Variants in GPHN observed in about 807,000 individuals in gnomAD.
The protein encoded by GPHN is gephyrin.
In GPHN, 17 loss-of-function variants were observed where a neutral mutation model predicts 95.5. That is an observed-to-expected ratio of 0.18 (90% CI 0.12 to 0.27). GPHN has a LOEUF of 0.27. Among genes scored for constraint, GPHN ranks in the 10% least tolerant of loss-of-function variants. The pLI is 1.00. For missense variants in GPHN, 660 were observed against 978.1 expected (o/e 0.67, Z 4.34); for synonymous variants, 320 against 322.5 (o/e 0.99, Z 0.08).
At chr14:67,359,169 T>C in the GPHN span, among the ~76,000 whole-genome samples, 1 of 152,238 alleles carries the variant, frequency 6.6e-6, no homozygotes. Context: ...CCGAGGGCTA[T>C]GCTAGGGCGA....
At chr14:67,544,975 T>TGAG in the GPHN span, among the ~76,000 whole-genome samples, 1 of 152,258 alleles carries the variant, frequency 6.6e-6, no homozygotes, top group Non-Finnish European at 1.5e-5. Context: ...GGAAACAGAA[T>TGAG]GAGTCTAACC....
the GPHN span, among the ~76,000 whole-genome samples, chr14:67,267,127 T>G: frequency 1.3e-5 from 2 of 152,024 alleles, no homozygotes; most frequent in African/African-American, 4.8e-5. Flanking sequence ...AATAAATAAA[T>G]AAATATAAAT....
intron 5 of GPHN, among the ~76,000 whole-genome samples, chr14:66,898,661 T>C (rs988875998): frequency 6.6e-6 from 1 of 151,882 alleles, no homozygotes; most frequent in Non-Finnish European, 1.5e-5. Flanking sequence ...TGAAATTGCA[T>C]AGACAGATTC....
chr14:67,604,545 A>G, the GPHN span, among the ~76,000 whole-genome samples: 1 of 152,040 alleles, frequency 6.6e-6, no homozygotes, highest in East Asian at 1.9e-4. Context: ...ACAAAAAACA[A>G]AAAACAAAAA....
intron 12 of GPHN, among the ~76,000 whole-genome samples, chr14:67,100,478 T>TAC (rs1376955714): frequency 6.6e-6 from 1 of 152,166 alleles, no homozygotes; most frequent in Non-Finnish European, 1.5e-5. Context: ...TCCATGAGTG[T>TAC]ACACACACAC....
At chr14:67,205,832 G>A in the GPHN span, among the ~76,000 whole-genome samples, 2 of 152,130 alleles carry the variant, frequency 1.3e-5, no homozygotes, top group African/African-American at 4.8e-5. Flanking sequence ...ATGGCAGGAT[G>A]GATTATAGGT....
chr14:67,404,219 G>C, the GPHN span, among the ~76,000 whole-genome samples: 1 of 152,184 alleles, frequency 6.6e-6, no homozygotes, highest in African/African-American at 2.4e-5. Context: ...CCTAAGAGAT[G>C]GTAGGCCACT....
At chr14:67,647,855 T>C in the GPHN span, 2 of 602,800 alleles carry the variant, frequency 3.3e-6, no homozygotes, top group East Asian at 2.8e-5. Context: ...AAGTGGTATG[T>C]AGGAAGTTAA....
At chr14:67,252,036 G>C in the GPHN span, among the ~76,000 whole-genome samples, 1 of 152,148 alleles carries the variant, frequency 6.6e-6, no homozygotes, top group South Asian at 2.1e-4. Context: ...ACTGGAGAAG[G>C]CATGGAAGCT....
intron 9 of GPHN, 82 bp downstream of exon 9, chr14:66,965,407 A>G (rs1475988479): frequency 8.0e-7 from 1 of 1,251,896 alleles, no homozygotes; most frequent in African/African-American, 1.5e-5. Context: ...CCTGCTTGTC[A>G]AGGTTGGATT....
At chr14:67,584,084 G>A in the GPHN span, 1 of 1,614,012 alleles carries the variant, frequency 6.2e-7, no homozygotes, top group Non-Finnish European at 8.5e-7. Context: ...ACCGTGGCCA[G>A]GAAATGGCCT....
At chr14:67,298,776 G>A in the GPHN span, among the ~76,000 whole-genome samples, 3 of 152,128 alleles carry the variant, frequency 2.0e-5, no homozygotes, top group Admixed American at 1.3e-4. Flanking sequence ...AGTTGTAGAA[G>A]CATCCATCAC....
At chr14:66,802,836 A>G (rs979061536) in intron 3 of GPHN, among the ~76,000 whole-genome samples, 6 of 152,066 alleles carry the variant, frequency 3.9e-5, no homozygotes, top group African/African-American at 1.4e-4. Context: ...CTCCAAGACA[A>G]AGTCGTCCTC....
At chr14:67,523,685 G>A in the GPHN span, among the ~76,000 whole-genome samples, 1 of 152,190 alleles carries the variant, frequency 6.6e-6, no homozygotes, top group Non-Finnish European at 1.5e-5. Flanking sequence ...TCTGGCTTTG[G>A]CTCAAGATTG....
chr14:66,510,992 G>A (rs1466935889), intron 1 of GPHN, among the ~76,000 whole-genome samples: 7 of 152,194 alleles, frequency 4.6e-5, no homozygotes, highest in Non-Finnish European at 7.4e-5. Flanking sequence ...TTTGGAATAA[G>A]TGATAATAGA....
chr14:67,305,340 A>G, the GPHN span, among the ~76,000 whole-genome samples: 23,397 of 151,664 alleles, frequency 0.15, 3,379 homozygotes, highest in East Asian at 0.42. Flanking sequence ...GAGTGCAGTG[A>G]TGTGATCACG....
At chr14:67,620,192 G>GGA in the GPHN span, 3 of 788,970 alleles carry the variant, frequency 3.8e-6, no homozygotes, top group Non-Finnish European at 5.9e-6. Context: ...GAGAGGATGG[G>GGA]GAGAAATGGC....
At chr14:66,649,880 C>G (rs10136150) in intron 1 of GPHN, among the ~76,000 whole-genome samples, 1 of 152,076 alleles carries the variant, frequency 6.6e-6, no homozygotes, top group Non-Finnish European at 1.5e-5. Context: ...TCCAGCACTT[C>G]TTTTAATTCA....
chr14:67,217,357 C>A, the GPHN span, among the ~76,000 whole-genome samples: 1 of 152,006 alleles, frequency 6.6e-6, no homozygotes, highest in Non-Finnish European at 1.5e-5. Context: ...TTAAAAAATC[C>A]ATTCAGCCAG....
Sources: gnomAD v4.1 joint callset for allele counts (sites outside exome capture counted in the v4.1 genomes callset) on GRCh38, gnomAD v4.1.1 for gene constraint, MANE v1.5 for transcripts, NCBI Gene and HGNC (gene_info 2026-07-23, HGNC 2026-07-21) for gene names.